Variants in SCN8A observed in about 807,000 individuals in gnomAD.
SCN8A encodes the protein sodium voltage-gated channel alpha subunit 8, also known as sodium channel protein type 8 subunit alpha.
A neutral mutation model predicts 184.1 loss-of-function variants in SCN8A; 30 were observed. The ratio of observed to expected loss-of-function variants is 0.16; its 90% CI spans 0.12 to 0.22. The LOEUF is 0.22. Ranked by LOEUF, SCN8A falls within the 10% of genes least tolerant of loss-of-function variation. The pLI, the probability that SCN8A is intolerant of heterozygous loss-of-function variation, is 1.00. For synonymous variants in SCN8A, 852 were observed against 907.0 expected (o/e 0.94, Z 1.09); for missense variants, 1,057 against 2,498.9 (o/e 0.42, Z 12.30).
At chr12:51,700,710 A>G (rs1215311110) in intron 7 of SCN8A, among the ~76,000 whole-genome samples, 2 of 152,218 alleles carry the variant, frequency 1.3e-5, no homozygotes, top group Non-Finnish European at 2.9e-5. Flanking sequence ...CTGGAAAGGA[A>G]AACATGCCTT....
At chr12:51,780,993 C>T (rs183789805) in intron 21 of SCN8A, among the ~76,000 whole-genome samples, 53 of 152,216 alleles carry the variant, frequency 3.5e-4, no homozygotes, top group Non-Finnish European at 1.5e-4. Flanking sequence ...AACATGCCAT[C>T]GCAGAACATG....
At chr12:51,646,135 A>G (rs1021451168) in intron 1 of SCN8A, among the ~76,000 whole-genome samples, 3 of 152,058 alleles carry the variant, frequency 2.0e-5, no homozygotes, top group African/African-American at 7.2e-5. Flanking sequence ...ATGGATTTTA[A>G]CCAAGGAAGT....
At chr12:51,706,077 A>C (rs1479749694) in intron 10 of SCN8A, among the ~76,000 whole-genome samples, 1 of 152,222 alleles carries the variant, frequency 6.6e-6, no homozygotes, top group African/African-American at 2.4e-5. Flanking sequence ...ATCCTTATCT[A>C]AATGTACATG....
rs1937873541 is a variant in SCN8A, at chr12:51,780,565, C to CTTTTCTTTTTT, written c.3820-80_3820-79insCTTTTTTTTTT. ...ACACTCTGGAACCTCTGTTTTCTTT[C>CTTTTCTTTTTT]TTTTTTTTTTTTTTTTTTTTTTTTT... On this transcript the variant is annotated intron_variant, in intron 20 of 26. Coordinates refer to ENST00000627620, the MANE Select transcript of SCN8A (RefSeq NM_001330260.2). 2.0e-5 allele frequency: 6 copies of CTTTTCTTTTTT among 293,020 alleles called. No individual in the cohort carries two copies. In the African/African-American group the frequency reaches 8.0e-4, roughly 39 times the overall value. 18.2% of individuals were successfully genotyped at this position (293,020 alleles called of 1,614,324 possible).
intron 9 of SCN8A, among the ~76,000 whole-genome samples, chr12:51,704,534 G>A (rs1346844652): frequency 2.0e-5 from 3 of 151,708 alleles, no homozygotes; most frequent in African/African-American, 7.3e-5. Context: ...GCTGGGCATG[G>A]TGGCACATGC....
intron 6 of SCN8A, chr12:51,689,300 C>G (rs1466088386): frequency 3.6e-6 from 2 of 561,554 alleles, no homozygotes; most frequent in East Asian, 2.9e-5. Context: ...AGCCCCCATT[C>G]CATCCATGCT....
chr12:51,696,727 T>G (rs531334859), intron 6 of SCN8A, among the ~76,000 whole-genome samples: 1 of 152,226 alleles, frequency 6.6e-6, no homozygotes, highest in East Asian at 1.9e-4. Flanking sequence ...ACCTTAAATT[T>G]GATTTGAAAC....
chr12:51,671,630 T>C (rs1242489461), intron 2 of SCN8A, among the ~76,000 whole-genome samples: 1 of 152,236 alleles, frequency 6.6e-6, no homozygotes, highest in Non-Finnish European at 1.5e-5. Context: ...TATGATAATA[T>C]CGATCATCTC....
intron 1 of SCN8A, among the ~76,000 whole-genome samples, chr12:51,648,621 C>T (rs1940643309): frequency 2.0e-5 from 3 of 152,178 alleles, no homozygotes; most frequent in South Asian, 2.1e-4. Flanking sequence ...GATGCAAAAG[C>T]GGAAACCCTT....
intron 1 of SCN8A, among the ~76,000 whole-genome samples, chr12:51,610,099 G>C (rs1454462854): frequency 1.3e-5 from 2 of 149,914 alleles, no homozygotes; most frequent in African/African-American, 4.9e-5. Flanking sequence ...GAACCCAGGA[G>C]GCGGAGGTTG....
chr12:51,618,324 G>C (rs74588376), intron 1 of SCN8A, among the ~76,000 whole-genome samples: 1 of 151,830 alleles, frequency 6.6e-6, no homozygotes, highest in Non-Finnish European at 1.5e-5. Context: ...CTTCCCTTTC[G>C]TGTCTAGGGG....
chr12:51,779,173 TTG>T (rs1343537840), intron 20 of SCN8A, among the ~76,000 whole-genome samples: 1 of 148,976 alleles, frequency 6.7e-6, no homozygotes, highest in African/African-American at 2.5e-5. Flanking sequence ...TGAGCCAAGA[TTG>T]TGCCATTGCA....
At chr12:51,715,507 G>A (rs904300399) in intron 11 of SCN8A, among the ~76,000 whole-genome samples, 1 of 151,798 alleles carries the variant, frequency 6.6e-6, no homozygotes, top group African/African-American at 2.4e-5. Context: ...AGTGGCTCAC[G>A]CCTGTAATCC....
chr12:51,770,199 A>G (rs977219820), intron 18 of SCN8A: 2 of 584,206 alleles, frequency 3.4e-6, no homozygotes, highest in South Asian at 2.3e-5. Flanking sequence ...TTCATCATCC[A>G]TTTTCTCTTG....
chr12:51,663,448 G>A (rs1037204120), intron 2 of SCN8A, among the ~76,000 whole-genome samples: 2 of 152,192 alleles, frequency 1.3e-5, no homozygotes, highest in Non-Finnish European at 2.9e-5. Context: ...TTAATATAAA[G>A]ATGTTGTTAC....
intron 2 of SCN8A, among the ~76,000 whole-genome samples, chr12:51,674,992 G>C (rs1001088461): frequency 6.6e-6 from 1 of 152,208 alleles, no homozygotes; most frequent in African/African-American, 2.4e-5. Context: ...TTCTAAGAGA[G>C]AGGAGAGTGA....
rs138105389 is a variant in SCN8A at position 51,626,746 on chromosome 12, C to T, written c.-55+35387C>T. On this transcript the variant is annotated intron_variant, in intron 1 of 26. Coordinates refer to ENST00000627620, the MANE Select transcript of SCN8A (RefSeq NM_001330260.2). ...CTGTGTTTTCTTTCTCTTACCTCTC[C>T]CACCTCCACTCTCCAATTGTTTTCT... Among the ~76,000 whole-genome samples the T allele has an allele frequency of 3.1e-3, 472 of 151,570 alleles. 4 individuals carry two copies. The highest frequency in any genetic ancestry group is 0.011 in the African/African-American group (446 of 41,400).
chr12:51,693,965 T>C (rs1941552619), intron 6 of SCN8A, among the ~76,000 whole-genome samples: 1 of 152,236 alleles, frequency 6.6e-6, no homozygotes, highest in Admixed American at 6.5e-5. Context: ...GGAGTTTCGC[T>C]GTTGTCACGC....
At chr12:51,593,592 A>G (rs981387597) in intron 1 of SCN8A, among the ~76,000 whole-genome samples, 5 of 152,150 alleles carry the variant, frequency 3.3e-5, no homozygotes, top group African/African-American at 1.2e-4. Context: ...GCCTGTGTTT[A>G]GGCTTGTATT....
Sources: gnomAD v4.1 joint callset for allele counts (sites outside exome capture counted in the v4.1 genomes callset) on GRCh38, gnomAD v4.1.1 for gene constraint, MANE v1.5 for transcripts, NCBI Gene and HGNC (gene_info 2026-07-23, HGNC 2026-07-21) for gene names.